Variants in CACNA2D1 observed in about 807,000 individuals in gnomAD.
The protein encoded by CACNA2D1 is voltage-dependent calcium channel subunit alpha-2/delta-1.
CACNA2D1 carries 53 observed loss-of-function variants against 171.5 expected under a neutral mutation model. The ratio of observed to expected loss-of-function variants is 0.31; its 90% CI spans 0.25 to 0.39. The LOEUF is 0.39. CACNA2D1 is among the 10% of genes least tolerant of loss of function. The pLI is 1.00. For missense variants in CACNA2D1, 903 were observed against 1,299.8 expected, an observed-to-expected ratio of 0.69 and a Z score of 4.69; for synonymous variants, 442 against 443.1, an observed-to-expected ratio of 1.00 and a Z score of 0.03.
At chr7:82,032,737 A>G in intron 12 of CACNA2D1, 60 bp downstream of exon 12, 1 of 917,640 alleles carries the variant, frequency 1.1e-6, no homozygotes, top group South Asian at 1.5e-5. Context: ...ACTACCCACT[A>G]TCTCTTTAAA....
intron 21 of CACNA2D1, among the ~76,000 whole-genome samples, chr7:81,990,530 G>A (rs1270184726): frequency 6.6e-6 from 1 of 151,398 alleles, no homozygotes; most frequent in Non-Finnish European, 1.5e-5. Flanking sequence ...GAGATTAAAA[G>A]ATGGGAATTT....
At chr7:82,295,398 G>A (rs969176941) in intron 3 of CACNA2D1, among the ~76,000 whole-genome samples, 9 of 151,428 alleles carry the variant, frequency 5.9e-5, no homozygotes, top group South Asian at 2.1e-4. Flanking sequence ...GTACAGTGGC[G>A]CAATCACTGC....
chr7:82,040,156 G>A (rs1312290764), intron 10 of CACNA2D1, among the ~76,000 whole-genome samples: 1 of 152,110 alleles, frequency 6.6e-6, no homozygotes, highest in Non-Finnish European at 1.5e-5. Context: ...AGAAAGGGAA[G>A]AATTCAGGAG....
At chr7:82,263,463 T>C (rs1039817761) in intron 3 of CACNA2D1, among the ~76,000 whole-genome samples, 15 of 152,128 alleles carry the variant, frequency 9.9e-5, no homozygotes, top group African/African-American at 3.6e-4. Flanking sequence ...ACCTGTCTTG[T>C]TGTAGAAGTG....
At position 82,443,672 on chromosome 7, in the gene CACNA2D1, G is replaced by C. The variant is rs1173903275; in HGVS notation, c.-213C>G. ...GGGGCGGTGGCGGGCGGACCCACTA[G>C]CGTGCGTCGGCTGCTCCGCGCCGCG... is the stretch of plus-strand genomic sequence containing the variant. On this transcript the variant is annotated 5_prime_UTR_variant, in exon 1 of 39. Coordinates refer to ENST00000356860, the MANE Select transcript of CACNA2D1 (RefSeq NM_000722.4). The C allele has an allele frequency of 7.2e-6, 9 of 1,247,180 alleles. No homozygotes were observed. Among genetic ancestry groups the C allele is most frequent in the African/African-American group, 1.6e-5 (1 of 64,234 alleles). 77.3% of individuals were successfully genotyped at this position (1,247,180 alleles called of 1,614,324 possible).
intron 1 of CACNA2D1, among the ~76,000 whole-genome samples, chr7:82,416,351 C>G (rs1358129834): frequency 6.6e-6 from 1 of 152,118 alleles, no homozygotes; most frequent in Non-Finnish European, 1.5e-5. Context: ...AGCATCCCAA[C>G]AGAGCAGCAA....
intron 29 of CACNA2D1, 51 bp from the exon 30 acceptor site, chr7:81,967,714 C>T (rs1470308172): frequency 1.2e-6 from 1 of 829,620 alleles, no homozygotes; most frequent in South Asian, 1.5e-5. Context: ...TGTAATACAA[C>T]CTTTGCAATA....
At chr7:82,414,449 A>G (rs1277663858) in intron 1 of CACNA2D1, among the ~76,000 whole-genome samples, 3 of 152,210 alleles carry the variant, frequency 2.0e-5, no homozygotes, top group African/African-American at 7.2e-5. Flanking sequence ...GTGGTTAAGG[A>G]AACATGAAAC....
intron 10 of CACNA2D1, among the ~76,000 whole-genome samples, chr7:82,042,587 T>C (rs867523789): frequency 2.6e-4 from 40 of 152,258 alleles, no homozygotes; most frequent in African/African-American, 9.4e-4. Context: ...TGAGGACAAT[T>C]TCTGTTAGCC....
intron 7 of CACNA2D1, among the ~76,000 whole-genome samples, chr7:82,076,541 A>G (rs1448189251): frequency 6.6e-6 from 1 of 152,154 alleles, no homozygotes; most frequent in African/African-American, 2.4e-5. Flanking sequence ...ATAAAGTCTG[A>G]TATCATCATT....
chr7:82,148,775 T>C (rs1423463529), intron 4 of CACNA2D1, among the ~76,000 whole-genome samples: 1 of 152,114 alleles, frequency 6.6e-6, no homozygotes, highest in Non-Finnish European at 1.5e-5. Flanking sequence ...GTAGCTGGGA[T>C]TGCAGGTGCC....
At chr7:82,423,482 A>G (rs1315308713) in intron 1 of CACNA2D1, among the ~76,000 whole-genome samples, 2 of 152,200 alleles carry the variant, frequency 1.3e-5, no homozygotes, top group Admixed American at 6.5e-5. Flanking sequence ...GCTGAAAGCA[A>G]GTGTTTGAAT....
At chr7:82,150,817 T>A (rs549525766) in intron 4 of CACNA2D1, among the ~76,000 whole-genome samples, 4 of 152,176 alleles carry the variant, frequency 2.6e-5, no homozygotes, top group South Asian at 2.1e-4. Context: ...TGTAAAAAAA[T>A]TTTGTTAACA....
intron 1 of CACNA2D1, among the ~76,000 whole-genome samples, chr7:82,434,097 A>G (rs897466598): frequency 6.6e-6 from 1 of 152,234 alleles, no homozygotes; most frequent in Non-Finnish European, 1.5e-5. Flanking sequence ...ATGCCAATTT[A>G]TAGAGAAAGA....
chr7:82,319,175 A>C (rs1226303380), intron 3 of CACNA2D1, among the ~76,000 whole-genome samples: 2 of 152,314 alleles, frequency 1.3e-5, no homozygotes, highest in East Asian at 1.9e-4. Flanking sequence ...GCACATAAAA[A>C]ATTGTTATTA....
chr7:82,339,912 C>T (rs1563393858), intron 2 of CACNA2D1, among the ~76,000 whole-genome samples: 1 of 152,122 alleles, frequency 6.6e-6, no homozygotes, highest in Admixed American at 6.5e-5. Context: ...GAAGATTACC[C>T]TAGATAGTCA....
At chr7:82,347,887 T>C (rs1231566200) in intron 2 of CACNA2D1, among the ~76,000 whole-genome samples, 1 of 152,164 alleles carries the variant, frequency 6.6e-6, no homozygotes, top group African/African-American at 2.4e-5. Context: ...TAGTAATCTA[T>C]CCTTCATAAA....
intron 3 of CACNA2D1, among the ~76,000 whole-genome samples, chr7:82,212,420 G>C (rs1227465923): frequency 6.6e-6 from 1 of 152,090 alleles, no homozygotes; most frequent in Non-Finnish European, 1.5e-5. Context: ...ATCCTACAAG[G>C]GGCAATGTTA....
intron 3 of CACNA2D1, among the ~76,000 whole-genome samples, chr7:82,294,235 A>G (rs1811997603): frequency 6.6e-6 from 1 of 152,156 alleles, no homozygotes; most frequent in African/African-American, 2.4e-5. Context: ...TCTTACTACT[A>G]AAAGTACTTA....
Sources: gnomAD v4.1 joint callset for allele counts (sites outside exome capture counted in the v4.1 genomes callset) on GRCh38, gnomAD v4.1.1 for gene constraint, MANE v1.5 for transcripts, NCBI Gene and HGNC (gene_info 2026-07-23, HGNC 2026-07-21) for gene names.